The following SAMD12 variants were observed in gnomAD, a reference collection of about 807,000 sequenced individuals.
The protein encoded by SAMD12 is sterile alpha motif domain-containing protein 12.
In SAMD12, 9 loss-of-function variants were observed where a neutral mutation model predicts 15.0. The ratio of observed to expected loss-of-function variants is 0.60; its 90% CI spans 0.36 to 1.05. The LOEUF is 1.05. Among genes scored for constraint, SAMD12 ranks in the 50% least tolerant of loss-of-function variants. The probability of loss-of-function intolerance (pLI) is 0.01; values close to 1 mark genes in which losing one functional copy is unlikely to be tolerated. For synonymous variants in SAMD12, 86 were observed against 90.1 expected (o/e 0.96, Z 0.25); for missense variants, 230 against 234.2 (o/e 0.98, Z 0.12).
chr8:118,244,141 T>C (rs1342383820), intron 4 of SAMD12, among the ~76,000 whole-genome samples: 2 of 152,180 alleles, frequency 1.3e-5, no homozygotes, highest in African/African-American at 4.8e-5. Context: ...CTGATTTACT[T>C]CAACCAGCAG....
downstream of SAMD12, among the ~76,000 whole-genome samples, chr8:118,186,929 C>A (rs534559308): frequency 6.6e-6 from 1 of 152,136 alleles, no homozygotes; most frequent in African/African-American, 2.4e-5. Context: ...GTAACTCATA[C>A]CCACATCTCC....
chr8:118,544,415 G>A (rs1439273044), intron 2 of SAMD12, among the ~76,000 whole-genome samples: 2 of 151,984 alleles, frequency 1.3e-5, no homozygotes, highest in Non-Finnish European at 2.9e-5. Flanking sequence ...GTGTCTCTAG[G>A]GTTTCAGAGG....
the SAMD12 span, among the ~76,000 whole-genome samples, chr8:118,170,696 T>C: frequency 0.049 from 7,396 of 152,180 alleles, 601 homozygotes; most frequent in African/African-American, 0.17. Flanking sequence ...GGATTAAAGA[T>C]GTAGATGTAG....
intron 2 of SAMD12, among the ~76,000 whole-genome samples, chr8:118,507,136 A>G (rs111719648): frequency 0.023 from 3,571 of 152,066 alleles, 109 homozygotes; most frequent in African/African-American, 0.076. Context: ...TCTACAACGC[A>G]GTCACACTGA....
chr8:118,503,655 A>G (rs1824846554), intron 2 of SAMD12, among the ~76,000 whole-genome samples: 1 of 152,188 alleles, frequency 6.6e-6, no homozygotes, highest in Non-Finnish European at 1.5e-5. Context: ...TGAGAAACCA[A>G]GCGCCACCTG....
the SAMD12 span, among the ~76,000 whole-genome samples, chr8:118,163,727 T>A: frequency 6.6e-6 from 1 of 151,882 alleles, no homozygotes; most frequent in South Asian, 2.1e-4. Flanking sequence ...TTCAAAAAAT[T>A]AGCCAGGCGC....
intron 4 of SAMD12, among the ~76,000 whole-genome samples, chr8:118,332,491 G>T (rs1442116206): frequency 6.6e-6 from 1 of 152,188 alleles, no homozygotes; most frequent in East Asian, 1.9e-4. Flanking sequence ...TGCAGGTGTC[G>T]TTCGTTTATT....
chr8:118,584,012 C>T (rs1269947766), intron 1 of SAMD12, among the ~76,000 whole-genome samples: 1 of 152,198 alleles, frequency 6.6e-6, no homozygotes, highest in Non-Finnish European at 1.5e-5. Context: ...CAATTCCCTT[C>T]CTTTACGCAA....
chr8:118,165,786 CA>C, the SAMD12 span, among the ~76,000 whole-genome samples: 405 of 151,608 alleles, frequency 2.7e-3, no homozygotes, highest in Middle Eastern at 6.8e-3. Context: ...ATGTTCTCTT[CA>C]GATCTACAAT....
At chr8:118,188,639 A>G (rs866764039), downstream of SAMD12, among the ~76,000 whole-genome samples, 1 of 152,174 alleles carries the variant, frequency 6.6e-6, no homozygotes, top group Non-Finnish European at 1.5e-5. Flanking sequence ...GAGGCAATTC[A>G]TCATATTCAG....
chr8:118,168,182 G>C, the SAMD12 span, among the ~76,000 whole-genome samples: 1 of 152,174 alleles, frequency 6.6e-6, no homozygotes, highest in East Asian at 1.9e-4. Context: ...CCCAGTCTCA[G>C]ATATGTCTTT....
chr8:118,208,514 A>G (rs1413853059), intron 4 of SAMD12, among the ~76,000 whole-genome samples: 2 of 152,164 alleles, frequency 1.3e-5, no homozygotes, highest in Non-Finnish European at 2.9e-5. Context: ...AGTAAGTGCT[A>G]CTGGCACTGG....
intron 2 of SAMD12, among the ~76,000 whole-genome samples, chr8:118,500,121 C>T (rs1043002529): frequency 3.4e-5 from 4 of 118,774 alleles, no homozygotes; most frequent in Non-Finnish European, 4.9e-5. Flanking sequence ...TCTTGTTGCC[C>T]AGGCTGGAGG....
chr8:118,423,106 C>T (rs990124039), intron 3 of SAMD12, among the ~76,000 whole-genome samples: 1 of 152,114 alleles, frequency 6.6e-6, no homozygotes, highest in African/African-American at 2.4e-5. Flanking sequence ...GGGGCTTGTG[C>T]CCAGGGTATC....
chr8:118,320,209 A>G (rs532312287), intron 4 of SAMD12, among the ~76,000 whole-genome samples: 24 of 152,348 alleles, frequency 1.6e-4, no homozygotes, highest in African/African-American at 5.3e-4. Context: ...TGATATTAGA[A>G]TGGCTATCTT....
intron 2 of SAMD12, among the ~76,000 whole-genome samples, chr8:118,533,353 C>T (rs975474860): frequency 6.6e-6 from 1 of 152,200 alleles, no homozygotes; most frequent in Admixed American, 6.5e-5. Context: ...CAGTGCTTTA[C>T]TTCCAACTAT....
At chr8:118,507,984 T>G (rs552970578) in intron 2 of SAMD12, among the ~76,000 whole-genome samples, 13 of 135,354 alleles carry the variant, frequency 9.6e-5, no homozygotes, top group African/African-American at 3.7e-4. Flanking sequence ...CTAGATAGTA[T>G]AATCTCCTTT....
chr8:118,600,723 T>G (rs1827840448), intron 1 of SAMD12, among the ~76,000 whole-genome samples: 1 of 152,212 alleles, frequency 6.6e-6, no homozygotes, highest in African/African-American at 2.4e-5. Context: ...GAAGGACTAT[T>G]TCCCATCTCA....
the SAMD12 span, among the ~76,000 whole-genome samples, chr8:118,182,253 C>CA: frequency 1.3e-5 from 2 of 152,206 alleles, no homozygotes; most frequent in African/African-American, 4.8e-5. Context: ...CCCCCATCAT[C>CA]AGAGAAGACT....
Sources: gnomAD v4.1 joint callset for allele counts (sites outside exome capture counted in the v4.1 genomes callset) on GRCh38, gnomAD v4.1.1 for gene constraint, MANE v1.5 for transcripts, NCBI Gene and HGNC (gene_info 2026-07-23, HGNC 2026-07-21) for gene names.